PTH1R: variants seen among roughly 807,000 people sequenced by gnomAD.
PTH1R encodes parathyroid hormone/parathyroid hormone-related peptide receptor.
A neutral mutation model predicts 70.7 loss-of-function variants in PTH1R; 32 were observed. The ratio of observed to expected loss-of-function variants is 0.45; its 90% CI spans 0.34 to 0.61. PTH1R has a LOEUF of 0.61. PTH1R is among the 20% of genes least tolerant of loss of function. The pLI, the probability that PTH1R is intolerant of heterozygous loss-of-function variation, is 0.01. For missense variants in PTH1R, 626 were observed against 792.5 expected (o/e 0.79, Z 2.52); for synonymous variants, 329 against 324.8 (o/e 1.01, Z -0.14).
intron 3 of PTH1R, among the ~76,000 whole-genome samples, chr3:46,888,814 C>T (rs1020718846): frequency 5.3e-5 from 8 of 152,240 alleles, no homozygotes; most frequent in African/African-American, 1.4e-4. Flanking sequence ...TAGCAGCCAA[C>T]TCCGCTATCC....
chr3:46,902,504 C>T lies in PTH1R; in HGVS notation c.1212-22C>T, dbSNP rs1280909507. On this transcript the variant is annotated intron_variant, in intron 13 of 15. Transcript: ENST00000449590. This position sits in a 1 kb window ranked among gnomAD's most constrained non-coding sequence, Gnocchi z 5.4. Reference sequence around the variant, plus strand: ...TGAAGGGGAAGTGGCTTGGCCCTGACCTACCTGCCCCGCTGGCCCAGGAAG... The same window carrying T: ...TGAAGGGGAAGTGGCTTGGCCCTGATCTACCTGCCCCGCTGGCCCAGGAAG... 1.9e-6 allele frequency: 3 copies of T among 1,607,350 alleles called. No individual in the cohort carries two copies. Among genetic ancestry groups the T allele is most frequent in the Non-Finnish European group, 1.7e-6 (2 of 1,177,936 alleles).
chr3:46,901,687 A>C lies in PTH1R; in HGVS notation c.1117-79A>C. On this transcript the variant is annotated intron_variant, in intron 12 of 15. Transcript: ENST00000449590. This position sits in a 1 kb window ranked among gnomAD's most constrained non-coding sequence, Gnocchi z 7.3. ...ACCCAGAGATGCAGTGACAGAGCAG[A>C]GCCTATGGCCGTGGCTGCCAGGCCT... The C allele has an allele frequency of 6.8e-7, 1 of 1,479,808 alleles. No homozygotes were observed. The highest frequency in any genetic ancestry group is 1.1e-5 in the South Asian group (1 of 88,150). The allele number at this position is 1,479,808 out of a possible 1,614,324, so 91.7% of individuals were successfully genotyped here.
Position 46,901,910 on chromosome 3 carries a change from C to T in PTH1R, c.1211+50C>T. On this transcript the variant is annotated intron_variant, in intron 13 of 15. Transcript: ENST00000449590. This position sits in a 1 kb window ranked among gnomAD's most constrained non-coding sequence, Gnocchi z 7.3. Reference sequence around the variant, plus strand: ...CCTGGCTCCTCAGGGGTCCCTGAGTCCTGGTACCATGTACCCCAGGAAAGA... The same window carrying T: ...CCTGGCTCCTCAGGGGTCCCTGAGTTCTGGTACCATGTACCCCAGGAAAGA... 6.7e-7 allele frequency: 1 copy of T among 1,497,546 alleles called. No homozygotes were observed. The highest frequency in any genetic ancestry group is 1.4e-5 in the African/African-American group (1 of 72,524). 92.8% of individuals were successfully genotyped at this position (1,497,546 alleles called of 1,614,324 possible). A position where few individuals can be genotyped will look rare whatever the true frequency, so the allele number is the denominator to read the frequency against.
At position 46,898,465 on chromosome 3, in the gene PTH1R, T is replaced by C; in HGVS notation, c.631T>C (p.Tyr211His). Reference sequence around the variant, plus strand: ...CACCGTAGCTGTGCTCATCCTGGCCTACTTTAGGTGGGCGGGGCGGGGCGA... The same window carrying C: ...CACCGTAGCTGTGCTCATCCTGGCCCACTTTAGGTGGGCGGGGCGGGGCGA... The part of the protein sequence containing the change: ...SLTVAVLILA[Y>H]FRRLHCTRNY... Residue 211 changes from tyrosine (Y) to histidine (H), a missense_variant, in exon 8 of 16, where the codon TAC becomes CAC. Transcript: ENST00000449590. 6.2e-7 allele frequency: 1 copy of C among 1,613,738 alleles called. No individual in the cohort carries two copies. The highest frequency in any genetic ancestry group is 8.5e-7 in the Non-Finnish European group (1 of 1,179,774).
At position 46,898,817 on chromosome 3, in the gene PTH1R, C is replaced by G. The variant is rs752698121; in HGVS notation, c.794C>G (p.Ala265Gly). 15 of 1,568,944 alleles carry G rather than the reference C, an allele frequency of 9.6e-6. No homozygotes were observed. Among genetic ancestry groups the G allele is most frequent in the Non-Finnish European group, 1.2e-5 (14 of 1,162,928 alleles). The change falls in exon 9 of 16, where the codon GCC (alanine) becomes GGC (glycine). Residue 265 changes from alanine to glycine, a missense_variant. Transcript: ENST00000449590. ...ACCGAGGAGGAGCTGCGCGCCATCG[C>G]CCAGGCGCCCCCGCCGCCTGCCACC... The part of the protein sequence containing the change: ...RLTEEELRAI[A>G]QAPPPPATAA...
chr3:46,902,489 G>A lies in PTH1R; in HGVS notation c.1212-37G>A, dbSNP rs200989193. 105 of 1,605,048 alleles carry A rather than the reference G, an allele frequency of 6.5e-5. No homozygotes were observed. The highest frequency in any genetic ancestry group is 8.6e-5 in the Non-Finnish European group (101 of 1,176,856). On this transcript the variant is annotated intron_variant, in intron 13 of 15. Coordinates refer to ENST00000449590, the MANE Select transcript of PTH1R (RefSeq NM_000316.3). The surrounding 1 kb of genome is among the most constrained non-coding windows in gnomAD (Gnocchi z 5.4). ...TGGCACAATGCTTGTTGAAGGGGAAGTGGCTTGGCCCTGACCTACCTGCCC... is the reference window on the plus strand; with the variant it reads ...TGGCACAATGCTTGTTGAAGGGGAAATGGCTTGGCCCTGACCTACCTGCCC...
In PTH1R at chr3:46,891,247, G is replaced by T. The variant is rs2031401032; in HGVS notation, c.76-2660G>T. Among the ~76,000 whole-genome samples, 1 of 152,228 alleles carries T rather than the reference G, an allele frequency of 6.6e-6. No individual in the cohort carries two copies. The highest frequency in any genetic ancestry group is 2.4e-5 in the African/African-American group (1 of 41,462). Reference sequence around the variant, plus strand: ...TGAACATCCCAACTCCAGAAAAAGGGGTGTGCCTCCTCCTGGCCATGGAGA... The same window carrying T: ...TGAACATCCCAACTCCAGAAAAAGGTGTGTGCCTCCTCCTGGCCATGGAGA... On this transcript the variant is annotated intron_variant, in intron 3 of 15. Transcript: ENST00000449590. The surrounding 1 kb of genome is among the most constrained non-coding windows in gnomAD (Gnocchi z 4.3).
At position 46,879,189 on chromosome 3, in the gene PTH1R, C is replaced by T. The variant is rs1440628936; in HGVS notation, c.-106+1346C>T. ...CATGAGTTATGGCAGGAGGAATGCC[C>T]TTAAGGGACCCAGCACCCATCAGAT... On this transcript the variant is annotated intron_variant, in intron 1 of 15. Transcript: ENST00000449590. The surrounding 1 kb of genome is among the most constrained non-coding windows in gnomAD (Gnocchi z 4.7). 1.3e-5 allele frequency among the ~76,000 whole-genome samples: 2 copies of T among 152,104 alleles called. No homozygotes were observed. The highest frequency in any genetic ancestry group is 2.9e-5 in the Non-Finnish European group (2 of 68,012).
chr3:46,901,078 A>G lies in PTH1R; in HGVS notation c.1042A>G (p.Asn348Asp). ...VWVSVRATLANTGCWDLSSGN... is the reference protein window; with the variant it reads ...VWVSVRATLADTGCWDLSSGN... The stretch of plus-strand genomic sequence containing the variant: ...GGTCAGTGTCAGAGCTACCCTGGCC[A>G]ACACCGGGTAGGTCCAGGTGGAGAA... Residue 348 changes from asparagine to aspartate, a missense_variant, in exon 11 of 16, where the codon AAC (asparagine) becomes GAC (aspartate). Asn to Asp is a conservative substitution (Grantham distance 23). Coordinates refer to ENST00000449590, the MANE Select transcript of PTH1R (RefSeq NM_000316.3). This position sits in a 1 kb window ranked among gnomAD's most constrained non-coding sequence, Gnocchi z 7.3. The G allele has an allele frequency of 6.3e-7, 1 of 1,577,488 alleles. No homozygotes were observed. The highest frequency in any genetic ancestry group is 1.2e-5 in the South Asian group (1 of 86,140).
chr3:46,901,635 A>G lies in PTH1R; in HGVS notation c.1117-131A>G, dbSNP rs1044023372. ...CCAGCTGATCCACACTCCAGCCCAG[A>G]AAGGAAAACCAAGGGCTCAAGGAGC... On this transcript the variant is annotated intron_variant, in intron 12 of 15. Coordinates refer to ENST00000449590, the MANE Select transcript of PTH1R (RefSeq NM_000316.3). The surrounding 1 kb of genome is among the most constrained non-coding windows in gnomAD (Gnocchi z 7.3). 1 of 1,364,658 alleles carries G rather than the reference A, an allele frequency of 7.3e-7. No individual in the cohort carries two copies. Among genetic ancestry groups the G allele is most frequent in the South Asian group, 1.2e-5 (1 of 80,132 alleles). The allele number at this position is 1,364,658 out of a possible 1,614,324, so 84.5% of individuals were successfully genotyped here.
chr3:46,888,108 T>C (rs2031156705), intron 3 of PTH1R, among the ~76,000 whole-genome samples: 1 of 152,204 alleles, frequency 6.6e-6, no homozygotes, highest in South Asian at 2.1e-4. Context: ...CCACACCCAC[T>C]GTCTCATAGG....
At position 46,895,804 on chromosome 3, in the gene PTH1R, C is replaced by T. The variant is rs368598206; in HGVS notation, c.248C>T (p.Ala83Val). The T allele has an allele frequency of 1.9e-6, 3 of 1,614,026 alleles. No individual in the cohort carries two copies. Among genetic ancestry groups the T allele is most frequent in the Non-Finnish European group, 2.5e-6 (3 of 1,180,046 alleles). ...STSGKPRKDKASGKLYPESEE... is the reference protein window; with the variant it reads ...STSGKPRKDKVSGKLYPESEE... Reference sequence around the variant, plus strand: ...TCAGGGAAGCCCAGGAAAGATAAGGCATCTGGGAAGCTCTACCCTGAGTCT... The same window carrying T: ...TCAGGGAAGCCCAGGAAAGATAAGGTATCTGGGAAGCTCTACCCTGAGTCT... The change falls in exon 5 of 16, where the codon GCA becomes GTA. Residue 83 changes from alanine to valine, a missense_variant. Around this residue, in one of 3 missense-constraint regions of PTH1R, gnomAD observed 123 missense variants for 125.7 expected, o/e 0.98. Transcript: ENST00000449590.
At position 46,892,035 on chromosome 3, in the gene PTH1R, T is replaced by C. The variant is rs2031441240; in HGVS notation, c.76-1872T>C. 6.6e-6 allele frequency among the ~76,000 whole-genome samples: 1 copy of C among 152,118 alleles called. No homozygotes were observed. The highest frequency in any genetic ancestry group is 2.4e-5 in the African/African-American group (1 of 41,400). On this transcript the variant is annotated intron_variant, in intron 3 of 15. Transcript: ENST00000449590. This position sits in a 1 kb window ranked among gnomAD's most constrained non-coding sequence, Gnocchi z 5.2. ...GCTTCAGGTTAGTCTTGGAGGCCCC[T>C]GGATCCTGGCAAGTCCAACTTGTCC... is the stretch of plus-strand genomic sequence containing the variant.
At chr3:46,887,423 C>T (rs1575511188) in intron 3 of PTH1R, among the ~76,000 whole-genome samples, 3 of 149,882 alleles carry the variant, frequency 2.0e-5, no homozygotes, top group Admixed American at 2.0e-4. Flanking sequence ...CCACTTCACT[C>T]CAGCCTGGGT....
At chr3:46,889,998 C>T (rs565399603) in intron 3 of PTH1R, among the ~76,000 whole-genome samples, 29 of 152,148 alleles carry the variant, frequency 1.9e-4, no homozygotes, top group Non-Finnish European at 2.9e-4. Context: ...ATACAGCTGT[C>T]AGCATTTCCC....
In PTH1R at chr3:46,903,183, C is replaced by T. The variant is rs965052225; in HGVS notation, c.1396-87C>T. On this transcript the variant is annotated intron_variant, in intron 15 of 15. Transcript: ENST00000449590. This position sits in a 1 kb window ranked among gnomAD's most constrained non-coding sequence, Gnocchi z 4.4. ...CCCAGGAGTCCCCTATTCCCATTTT[C>T]ATTCCGTGCTGGGTGTCCAGGGGCC... The T allele has an allele frequency of 3.8e-6, 6 of 1,572,434 alleles. No individual in the cohort carries two copies. The African/African-American group carries it at 8.1e-5, about 21-fold the overall frequency.
chr3:46,895,588 C>T (rs780620720), intron 4 of PTH1R, 147 bp from the exon 5 acceptor site: 14 of 1,185,230 alleles, frequency 1.2e-5, no homozygotes, highest in Admixed American at 1.7e-5. Context: ...CCTCACCCAT[C>T]GTCTCAGATC....
At position 46,902,020 on chromosome 3, in the gene PTH1R, G is replaced by A. The variant is rs2032158485; in HGVS notation, c.1211+160G>A. Among the ~76,000 whole-genome samples the A allele has an allele frequency of 1.3e-5, 2 of 152,194 alleles. No homozygotes were observed. Among genetic ancestry groups the A allele is most frequent in the South Asian group, 4.1e-4 (2 of 4,832 alleles). ...TGTCCTCACCCACCTGGCCTGCCCA[G>A]CAGTGATGGGAGGCCCTAGGGCACC... On this transcript the variant is annotated intron_variant, in intron 13 of 15. Transcript: ENST00000449590. This position sits in a 1 kb window ranked among gnomAD's most constrained non-coding sequence, Gnocchi z 5.4.
At position 46,899,456 on chromosome 3, in the gene PTH1R, G is replaced by T; in HGVS notation, c.988G>T (p.Gly330Cys). Residue 330 changes from glycine (G) to cysteine (C), a missense_variant and splice_region_variant, in exon 10 of 16, where the codon GGT becomes TGT. Gly to Cys is a radical substitution (Grantham distance 159). This residue lies in a region of PTH1R where 495 missense variants were observed against 638.7 expected (regional missense o/e 0.77). Coordinates refer to ENST00000449590, the MANE Select transcript of PTH1R (RefSeq NM_000316.3). ...YLWGFTVFGW[G>C]LPAVFVAVWV... ...GTGGGGCTTCACAGTCTTCGGCTGGGGTACGCGGGCACAGCGGGTAGCGAG... is the reference window on the plus strand; with the variant it reads ...GTGGGGCTTCACAGTCTTCGGCTGGTGTACGCGGGCACAGCGGGTAGCGAG... The T allele has an allele frequency of 6.2e-7, 1 of 1,610,794 alleles. No homozygotes were observed. The highest frequency in any genetic ancestry group is 8.5e-7 in the Non-Finnish European group (1 of 1,178,680).
Sources: allele counts gnomAD v4.1 joint callset (sites outside exome capture counted in the v4.1 genomes callset), GRCh38; gene constraint gnomAD v4.1.1; regional missense constraint gnomAD v4.1.1; non-coding constraint Gnocchi (gnomAD v3.1); transcripts MANE v1.5; gene names NCBI Gene and HGNC (gene_info 2026-07-23, HGNC 2026-07-21).